The following TCP11L2 variants were observed in gnomAD, a reference collection of about 807,000 sequenced individuals.
TCP11L2 encodes the protein T-complex protein 11-like protein 2.
A neutral mutation model predicts 50.7 loss-of-function variants in TCP11L2; 39 were observed. That is an observed-to-expected ratio of 0.77 (90% CI 0.60 to 1.01). TCP11L2 has a LOEUF of 1.01. TCP11L2 is among the 50% of genes least tolerant of loss of function. TCP11L2 has a pLI of 0.00. For synonymous variants in TCP11L2, 192 were observed against 219.3 expected, an observed-to-expected ratio of 0.88 and a Z score of 1.10; for missense variants, 612 against 614.7, an observed-to-expected ratio of 1.00 and a Z score of 0.05.
chr12:106,338,389 C>T (rs1048447311), intron 8 of TCP11L2, among the ~76,000 whole-genome samples: 4 of 152,158 alleles, frequency 2.6e-5, no homozygotes. Flanking sequence ...GTGTTTAGTT[C>T]CCACTTATAA....
At chr12:106,335,430 C>T (rs1439476116) in intron 6 of TCP11L2, among the ~76,000 whole-genome samples, 3 of 152,162 alleles carry the variant, frequency 2.0e-5, no homozygotes, top group Non-Finnish European at 2.9e-5. Context: ...CCTGGACAGC[C>T]TCTTTCCCAC....
In TCP11L2 at chr12:106,340,971, G is replaced by A. The variant is rs374967776; in HGVS notation, c.1288G>A (p.Glu430Lys). The A allele has an allele frequency of 5.6e-6, 9 of 1,612,040 alleles. 1 individual carries two copies. The highest frequency in any genetic ancestry group is 5.3e-5 in the African/African-American group (4 of 74,812). The change falls in exon 9 of 10, where the codon GAG becomes AAG. Residue 430 changes from glutamate (E) to lysine (K), a missense_variant. Glu to Lys is a moderately conservative substitution (Grantham distance 56). Coordinates refer to ENST00000299045, the MANE Select transcript of TCP11L2 (RefSeq NM_152772.3). ...AGGTCAATTTTCAAGCATTGAAGAG[G>A]AGGACAATCCTATCTGGTCCTTGAT... ...LIGQFSSIEE[E>K]DNPIWSLIDK... is the part of the protein sequence containing the mutation.
chr12:106,340,664 G>A (rs2036066190), intron 8 of TCP11L2, among the ~76,000 whole-genome samples, 162 bp from the exon 9 acceptor site: 1 of 152,214 alleles, frequency 6.6e-6, no homozygotes, highest in Non-Finnish European at 1.5e-5. Flanking sequence ...CAGAAGGTTG[G>A]TGGTTGGGAG....
intron 9 of TCP11L2, among the ~76,000 whole-genome samples, chr12:106,345,495 TCTC>T (rs747898956): frequency 7.2e-5 from 11 of 152,216 alleles, no homozygotes; most frequent in Non-Finnish European, 1.3e-4. Flanking sequence ...CTATGTGAAA[TCTC>T]CTGATTTTAA....
In TCP11L2 at chr12:106,346,740, C is replaced by T. The variant is rs183187791; in HGVS notation, c.*210C>T. On this transcript the variant is annotated 3_prime_UTR_variant, in exon 10 of 10. Transcript: ENST00000299045. ...AAACATCACATAGACCCTATTTGTG[C>T]ATCATTTTCAAGTTTAAAACAAATA... 1,701 of 478,652 alleles carry T rather than the reference C, an allele frequency of 3.6e-3. 6 individuals carry two copies. Among genetic ancestry groups the T allele is most frequent in the Middle Eastern group, 6.6e-3 (12 of 1,822 alleles). 29.7% of individuals were successfully genotyped at this position (478,652 alleles called of 1,614,324 possible).
chr12:106,341,150 A>G, intron 9 of TCP11L2, 152 bp downstream of exon 9: 1 of 683,318 alleles, frequency 1.5e-6, no homozygotes, highest in East Asian at 2.8e-5. Context: ...AATGTTTTCA[A>G]AGGCCTAGGA....
At chr12:106,339,026 T>G (rs1298615982) in intron 8 of TCP11L2, among the ~76,000 whole-genome samples, 1 of 152,154 alleles carries the variant, frequency 6.6e-6, no homozygotes, top group East Asian at 1.9e-4. Context: ...ATGCCTGTAG[T>G]CCCAGCTACT....
chr12:106,339,038 A>G (rs2036010325), intron 8 of TCP11L2, among the ~76,000 whole-genome samples: 3 of 152,172 alleles, frequency 2.0e-5, no homozygotes, highest in Admixed American at 2.0e-4. Flanking sequence ...CCAGCTACTC[A>G]GGAAGCTAAG....
At chr12:106,320,412 GAAAA>G (rs1448457412) in intron 4 of TCP11L2, among the ~76,000 whole-genome samples, 4 of 152,082 alleles carry the variant, frequency 2.6e-5, no homozygotes, top group Non-Finnish European at 4.4e-5. Context: ...AAAAAGAAAA[GAAAA>G]GAAAGAAAAA....
chr12:106,322,610 T>C (rs1361741421), intron 5 of TCP11L2, among the ~76,000 whole-genome samples: 3 of 152,208 alleles, frequency 2.0e-5, no homozygotes, highest in Admixed American at 1.3e-4. Flanking sequence ...AAGAAGAGTC[T>C]GCAACACTTT....
In TCP11L2 at chr12:106,321,573, G is replaced by T; in HGVS notation, c.502G>T (p.Ala168Ser). 2 of 1,614,210 alleles carry T rather than the reference G, an allele frequency of 1.2e-6. No homozygotes were observed. Among genetic ancestry groups the T allele is most frequent in the Non-Finnish European group, 1.7e-6 (2 of 1,180,030 alleles). Residue 168 changes from alanine to serine, a missense_variant, in exon 5 of 10, where the codon GCT (alanine) becomes TCT (serine). Transcript: ENST00000299045. ...GGACACAGACCTCATTAGGCAGCAGGCTGAGCACAGTGCTGTTGACATCCA... is the reference window on the plus strand; with the variant it reads ...GGACACAGACCTCATTAGGCAGCAGTCTGAGCACAGTGCTGTTGACATCCA... ...VLDTDLIRQQ[A>S]EHSAVDIQGL...
chr12:106,331,876 A>G (rs898546222), intron 6 of TCP11L2, among the ~76,000 whole-genome samples: 6 of 152,228 alleles, frequency 3.9e-5, no homozygotes, highest in African/African-American at 1.2e-4. Context: ...TTCATCTGCA[A>G]TGCAAATTTG....
rs545263920 is a variant in TCP11L2, at chr12:106,329,790, G to A, written c.773-5849G>A. 262 of 990,892 alleles carry A rather than the reference G, an allele frequency of 2.6e-4. 2 individuals are homozygous for A. The African/African-American group carries it at 4.2e-3, about 16-fold the overall frequency. 61.4% of individuals were successfully genotyped at this position (990,892 alleles called of 1,614,324 possible). A position where few individuals can be genotyped will look rare whatever the true frequency, so the allele number is the denominator to read the frequency against. ...ATTATATTCACGATGATTTCCACTCGCGCTCTCTCAGTTGGATGTCTTTTA... is the reference window on the plus strand; with the variant it reads ...ATTATATTCACGATGATTTCCACTCACGCTCTCTCAGTTGGATGTCTTTTA... On this transcript the variant is annotated intron_variant, in intron 6 of 9. Coordinates refer to ENST00000299045, the MANE Select transcript of TCP11L2 (RefSeq NM_152772.3).
chr12:106,327,530 T>G (rs1468284863), intron 6 of TCP11L2, among the ~76,000 whole-genome samples: 2 of 152,146 alleles, frequency 1.3e-5, no homozygotes, highest in Non-Finnish European at 2.9e-5. Flanking sequence ...CATTTGCAAC[T>G]TTTCTATTGA....
At chr12:106,305,535 G>A (rs538409363) in intron 1 of TCP11L2, among the ~76,000 whole-genome samples, 92 of 152,262 alleles carry the variant, frequency 6.0e-4, no homozygotes, top group African/African-American at 2.0e-3. Context: ...AAGTGACTGC[G>A]TAATGGGAAT....
chr12:106,323,671 A>G (rs2035430580), intron 6 of TCP11L2, 25 bp downstream of exon 6: 4 of 1,295,450 alleles, frequency 3.1e-6, no homozygotes, highest in South Asian at 4.7e-5. Context: ...ATGTGTATTT[A>G]TATTGAAATT....
At chr12:106,304,505 T>C (rs1261964862) in intron 1 of TCP11L2, among the ~76,000 whole-genome samples, 2 of 152,272 alleles carry the variant, frequency 1.3e-5, no homozygotes, top group Admixed American at 6.5e-5. Context: ...TATTTAAGAC[T>C]GATTCTAAAG....
chr12:106,310,942 G>C (rs2034828879), intron 1 of TCP11L2, 99 bp from the exon 2 acceptor site: 1 of 1,114,170 alleles, frequency 9.0e-7, no homozygotes, highest in Non-Finnish European at 1.3e-6. Flanking sequence ...TTCCAACACA[G>C]TGACACTTGT....
At chr12:106,314,564 T>C in intron 3 of TCP11L2, 71 bp downstream of exon 3, 1 of 977,656 alleles carries the variant, frequency 1.0e-6, no homozygotes, top group Non-Finnish European at 1.5e-6. Context: ...TGTGTGTGTG[T>C]GTGTGTGTGT....
Sources: gnomAD v4.1 joint callset for allele counts (sites outside exome capture counted in the v4.1 genomes callset) on GRCh38, gnomAD v4.1.1 for gene constraint, MANE v1.5 for transcripts, NCBI Gene and HGNC (gene_info 2026-07-23, HGNC 2026-07-21) for gene names.